Variants in PRKAR1A observed in about 807,000 individuals in gnomAD.
PRKAR1A encodes protein kinase cAMP-dependent type I regulatory subunit alpha, also known as cAMP-dependent protein kinase type I-alpha regulatory subunit.
Under a neutral mutation model 52.0 loss-of-function variants are expected in PRKAR1A, and 3 were observed. The ratio of observed to expected loss-of-function variants is 0.06; its 90% CI spans 0.03 to 0.15. The LOEUF (loss-of-function observed/expected upper bound fraction) is 0.15, where lower values mean the gene tolerates loss of function less well. Ranked by LOEUF, PRKAR1A falls within the 10% of genes least tolerant of loss-of-function variation. PRKAR1A has a pLI of 1.00. For missense variants in PRKAR1A, 240 were observed against 477.4 expected, an observed-to-expected ratio of 0.50 and a Z score of 4.63; for synonymous variants, 188 against 168.4, an observed-to-expected ratio of 1.12 and a Z score of -0.90.
chr17:68,440,815 C>T, the PRKAR1A span: 1 of 152,186 alleles, frequency 6.6e-6, no homozygotes, highest in South Asian at 2.1e-4. Context: ...TATTGCATGT[C>T]AAACTTTAGG....
At chr17:68,509,715 T>C (rs4968898), upstream of PRKAR1A, among the ~76,000 whole-genome samples, 3 of 152,098 alleles carry the variant, frequency 2.0e-5, no homozygotes, top group African/African-American at 7.2e-5. Flanking sequence ...TGGAAAGCAC[T>C]GAGGCTATTT....
At chr17:68,442,264 G>A in the PRKAR1A span, among the ~76,000 whole-genome samples, 2 of 152,066 alleles carry the variant, frequency 1.3e-5, no homozygotes. Context: ...AGGAGTTCAA[G>A]ACCAGCCTGG....
the PRKAR1A span, among the ~76,000 whole-genome samples, chr17:68,451,632 G>C: frequency 6.6e-6 from 1 of 152,192 alleles, no homozygotes; most frequent in Admixed American, 6.5e-5. Context: ...TGACTTCTCA[G>C]TTGGGAACTT....
chr17:68,486,063 A>G, the PRKAR1A span, among the ~76,000 whole-genome samples: 1 of 152,130 alleles, frequency 6.6e-6, no homozygotes, highest in African/African-American at 2.4e-5. Flanking sequence ...CGAGCCCCAC[A>G]ATCCATAACA....
chr17:68,433,479 C>T, the PRKAR1A span: 3 of 1,613,946 alleles, frequency 1.9e-6, no homozygotes, highest in Non-Finnish European at 2.5e-6. Flanking sequence ...TGTTGGTGAC[C>T]TGTTCCAGCT....
At chr17:68,522,610 C>G (rs970376438) in intron 2 of PRKAR1A, 146 bp from the exon 3 acceptor site, 1 of 835,416 alleles carries the variant, frequency 1.2e-6, no homozygotes, top group African/African-American at 1.7e-5. Flanking sequence ...CTTTTTTTCC[C>G]CTTTGGAATT....
the PRKAR1A span, among the ~76,000 whole-genome samples, chr17:68,478,416 C>T: frequency 6.6e-6 from 1 of 152,186 alleles, no homozygotes; most frequent in African/African-American, 2.4e-5. Flanking sequence ...CACACCACTG[C>T]ACTTCAGCCT....
downstream of PRKAR1A, chr17:68,535,732 G>A (rs570054668): frequency 1.6e-5 from 7 of 450,072 alleles, no homozygotes; most frequent in African/African-American, 1.2e-4. Context: ...GGCTGGTCTC[G>A]AGCTCCTGAG....
At chr17:68,469,660 GACAAATGCCAATTA>G in the PRKAR1A span, among the ~76,000 whole-genome samples, 9 of 150,020 alleles carry the variant, frequency 6.0e-5, no homozygotes, top group African/African-American at 7.4e-5. Flanking sequence ...TAGCATTATT[GACAAATGCCAATTA>G]ACTGTATTAG....
upstream of PRKAR1A, chr17:68,511,757 G>C (rs1266690178): frequency 6.6e-6 from 1 of 152,044 alleles, no homozygotes; most frequent in South Asian, 2.1e-4. Context: ...GGCGCTGGCC[G>C]GGCACAGGAT....
At chr17:68,526,031 TAATAA>T in intron 7 of PRKAR1A, 119 bp downstream of exon 7, 2 of 1,279,672 alleles carry the variant, frequency 1.6e-6, no homozygotes, top group Non-Finnish European at 1.1e-6. Flanking sequence ...TTCTTTCTTT[TAATAA>T]GCGAATATTT....
chr17:68,531,565 TTTCC>T lies in PRKAR1A; in HGVS notation c.*1123_*1126del, dbSNP rs1470318908. Reference sequence around the variant, plus strand: ...GTTTTTTACTTTGGTTTAGTCTTTTTTTCCTTCCTTTTTATTCAGCTAGAATTTC... The same window carrying T: ...GTTTTTTACTTTGGTTTAGTCTTTTTTTCCTTTTTATTCAGCTAGAATTTC... On this transcript the variant is annotated 3_prime_UTR_variant, in exon 11 of 11. Transcript: ENST00000589228. The T allele has an allele frequency of 1.9e-6, 2 of 1,066,310 alleles. No individual in the cohort carries two copies. The highest frequency in any genetic ancestry group is 2.3e-6 in the Non-Finnish European group (2 of 879,684). 66.1% of individuals were successfully genotyped at this position (1,066,310 alleles called of 1,614,324 possible).
the PRKAR1A span, among the ~76,000 whole-genome samples, chr17:68,442,474 A>AG: frequency 6.6e-6 from 1 of 151,792 alleles, no homozygotes; most frequent in East Asian, 1.9e-4. Flanking sequence ...CAAAAAAAAA[A>AG]AAAAAAAAAG....
At chr17:68,543,587 G>T (rs2086410113) in intron 11 of PRKAR1A, 3 of 1,562,504 alleles carry the variant, frequency 1.9e-6, no homozygotes, top group Admixed American at 1.7e-5. Flanking sequence ...CCAGAGGATT[G>T]GTCCTTATAG....
the PRKAR1A span, chr17:68,426,090 CTCA>C: frequency 1.2e-6 from 2 of 1,612,688 alleles, no homozygotes; most frequent in Non-Finnish European, 1.7e-6. Context: ...GAAACTCATT[CTCA>C]TCATCAAGAC....
the PRKAR1A span, chr17:68,430,232 C>G: frequency 4.7e-6 from 7 of 1,487,530 alleles, no homozygotes; most frequent in South Asian, 6.4e-5. Flanking sequence ...TCTCCACACC[C>G]AAGCGTCATT....
the PRKAR1A span, among the ~76,000 whole-genome samples, chr17:68,489,274 A>ATATATATATATATATGGAAAG: frequency 1.8e-4 from 6 of 33,676 alleles, 1 homozygote; most frequent in African/African-American, 2.3e-4. Flanking sequence ...AAGTATATAT[A>ATATATATATATATATGGAAAG]TATATATATA....
chr17:68,486,471 C>CTCCT, the PRKAR1A span, among the ~76,000 whole-genome samples: 640 of 97,502 alleles, frequency 6.6e-3, 12 homozygotes, highest in South Asian at 8.7e-3. Flanking sequence ...CTTTCTTTCT[C>CTCCT]TCCTTCCTTC....
chr17:68,530,495 T>C lies in PRKAR1A; in HGVS notation c.*46T>C, dbSNP rs368633609. The C allele has an allele frequency of 1.2e-6, 2 of 1,613,744 alleles. No individual in the cohort carries two copies. Among genetic ancestry groups the C allele is most frequent in the African/African-American group, 1.3e-5 (1 of 74,916 alleles). On this transcript the variant is annotated 3_prime_UTR_variant, in exon 11 of 11. Transcript: ENST00000589228. ...CTTTTCTCCTCTCCCCAATCCATGC[T>C]TCACTCATGCAAACTGCTTTATTTT...
Sources: allele counts gnomAD v4.1 joint callset (sites outside exome capture counted in the v4.1 genomes callset), GRCh38; gene constraint gnomAD v4.1.1; transcripts MANE v1.5; gene names NCBI Gene and HGNC (gene_info 2026-07-23, HGNC 2026-07-21).